The following C8orf34 variants were observed in gnomAD, a reference collection of about 807,000 sequenced individuals.
The protein encoded by C8orf34 is chromosome 8 open reading frame 34.
Under a neutral mutation model 68.3 loss-of-function variants are expected in C8orf34, and 65 were observed. The observed-to-expected ratio is 0.95, with a 90% confidence interval of 0.78 to 1.17. The LOEUF is 1.17. Ranked by LOEUF, C8orf34 falls within the 50% of genes most tolerant of loss-of-function variation. The probability of loss-of-function intolerance (pLI) is 0.00; values close to 1 mark genes in which losing one functional copy is unlikely to be tolerated. For missense variants in C8orf34, 664 were observed against 655.4 expected (o/e 1.01, Z -0.14); for synonymous variants, 244 against 241.2 (o/e 1.01, Z -0.11).
Position 68,342,386 on chromosome 8 carries a change from A to G in C8orf34, c.327+11047A>G, listed in dbSNP as rs183619868. ...TTTGCTCTGTGAAAGACTGTATTAAAAAGATTAGAAGATAAGTTACCGGTT... is the reference window on the plus strand; with the variant it reads ...TTTGCTCTGTGAAAGACTGTATTAAGAAGATTAGAAGATAAGTTACCGGTT... On this transcript the variant is annotated intron_variant, in intron 1 of 13. Transcript: ENST00000518698. Among the ~76,000 whole-genome samples the G allele has an allele frequency of 3.3e-5, 5 of 152,322 alleles. No homozygotes were observed. The East Asian group carries it at 9.7e-4, about 29-fold the overall frequency.
At chr8:68,586,126 G>A (rs906145413) in intron 7 of C8orf34, among the ~76,000 whole-genome samples, 10 of 152,054 alleles carry the variant, frequency 6.6e-5, no homozygotes, top group African/African-American at 2.4e-4. Flanking sequence ...AACAGAGGAA[G>A]ATATAGTCTA....
intron 10 of C8orf34, among the ~76,000 whole-genome samples, chr8:68,763,168 T>C (rs141512443): frequency 3.3e-5 from 5 of 152,338 alleles, no homozygotes; most frequent in African/African-American, 9.6e-5. Flanking sequence ...ATGAATGAAT[T>C]TGTAAACAAA....
At chr8:68,668,275 G>T (rs958648734) in intron 8 of C8orf34, among the ~76,000 whole-genome samples, 2 of 151,994 alleles carry the variant, frequency 1.3e-5, no homozygotes, top group African/African-American at 4.8e-5. Flanking sequence ...ATTTTCCTTA[G>T]CTCAATGATT....
chr8:68,402,944 A>G (rs1009612917), intron 1 of C8orf34, among the ~76,000 whole-genome samples: 5 of 152,180 alleles, frequency 3.3e-5, no homozygotes, highest in Admixed American at 2.0e-4. Context: ...CTGTGAGAGG[A>G]AGCCCCATGC....
chr8:68,411,121 T>C (rs944755525), intron 1 of C8orf34, among the ~76,000 whole-genome samples: 13 of 152,312 alleles, frequency 8.5e-5, no homozygotes, highest in Admixed American at 4.6e-4. Context: ...AGTAATACAT[T>C]TTCTGTTATT....
intron 12 of C8orf34, among the ~76,000 whole-genome samples, chr8:68,804,923 T>C (rs973810884): frequency 1.3e-5 from 2 of 152,330 alleles, no homozygotes; most frequent in South Asian, 2.1e-4. Flanking sequence ...AGGCTCCTTA[T>C]GGCAAAACCT....
In C8orf34 at chr8:68,462,475, C is replaced by A. The variant is rs535286342; in HGVS notation, c.608-6217C>A. On this transcript the variant is annotated intron_variant, in intron 3 of 13. Transcript: ENST00000518698. ...ATCTACAGAACTCTCCACCCCAAAT[C>A]AACAGAATATACATTTTTTTCAGCA... 4.3e-3 allele frequency among the ~76,000 whole-genome samples: 655 copies of A among 151,478 alleles called. 3 individuals carry two copies. The highest frequency in any genetic ancestry group is 0.015 in the African/African-American group (631 of 41,382).
At chr8:68,784,868 C>T (rs142750828) in intron 11 of C8orf34, among the ~76,000 whole-genome samples, 276 of 151,706 alleles carry the variant, frequency 1.8e-3, no homozygotes, top group East Asian at 9.2e-3. Context: ...CCAGATGGTT[C>T]GGCTTATCTT....
chr8:68,502,969 C>T (rs1563490783), intron 5 of C8orf34, among the ~76,000 whole-genome samples: 1 of 152,122 alleles, frequency 6.6e-6, no homozygotes, highest in Non-Finnish European at 1.5e-5. Flanking sequence ...CAAACCACAT[C>T]ACAAGAATGT....
At chr8:68,559,305 A>C (rs1816349969) in intron 7 of C8orf34, among the ~76,000 whole-genome samples, 1 of 152,198 alleles carries the variant, frequency 6.6e-6, no homozygotes, top group African/African-American at 2.4e-5. Flanking sequence ...CAACATAGAC[A>C]AGGAATTCAG....
chr8:68,527,305 C>T (rs11778124), intron 6 of C8orf34, among the ~76,000 whole-genome samples: 72,865 of 152,098 alleles, frequency 0.48, 17,634 homozygotes, highest in Non-Finnish European at 0.52. Flanking sequence ...AGGCCCGGCG[C>T]AGTGGCTCAC....
At chr8:68,494,172 A>G (rs1285445337) in intron 5 of C8orf34, among the ~76,000 whole-genome samples, 2 of 152,236 alleles carry the variant, frequency 1.3e-5, no homozygotes, top group African/African-American at 2.4e-5. Flanking sequence ...ATATATACAT[A>G]CAATGGAATA....
At chr8:68,445,868 C>A (rs539568339) in intron 2 of C8orf34, among the ~76,000 whole-genome samples, 2 of 152,300 alleles carry the variant, frequency 1.3e-5, no homozygotes, top group East Asian at 3.9e-4. Context: ...CGGCTCACTG[C>A]AACTTCTGCC....
At chr8:68,386,565 T>C (rs537511336) in intron 1 of C8orf34, among the ~76,000 whole-genome samples, 2 of 152,194 alleles carry the variant, frequency 1.3e-5, no homozygotes, top group African/African-American at 2.4e-5. Context: ...TGGGTTGTCT[T>C]TTCTTCTATA....
intron 6 of C8orf34, 131 bp from the exon 7 acceptor site, chr8:68,532,850 GAT>G (rs1420782396): frequency 4.9e-6 from 3 of 617,202 alleles, no homozygotes; most frequent in Non-Finnish European, 8.3e-6. Context: ...CAAGAAAGAT[GAT>G]ATTTCCATTA....
intron 1 of C8orf34, 50 bp from the exon 2 acceptor site, chr8:68,439,449 A>G (rs766690262): frequency 1.3e-6 from 2 of 1,571,338 alleles, no homozygotes; most frequent in South Asian, 1.1e-5. Context: ...GCTTGCTATT[A>G]CTGTTGCTGT....
At chr8:68,558,010 A>G (rs188473051) in intron 7 of C8orf34, among the ~76,000 whole-genome samples, 1 of 152,280 alleles carries the variant, frequency 6.6e-6, no homozygotes, top group Admixed American at 6.5e-5. Context: ...TGCCTTTATA[A>G]CTGGAGAAAG....
At chr8:68,344,014 A>C (rs1806181328) in intron 1 of C8orf34, among the ~76,000 whole-genome samples, 1 of 152,190 alleles carries the variant, frequency 6.6e-6, no homozygotes, top group African/African-American at 2.4e-5. Context: ...GGTGTGAGCC[A>C]ATATTGTTTA....
chr8:68,479,469 G>A (rs374501235), intron 4 of C8orf34, among the ~76,000 whole-genome samples: 167 of 152,112 alleles, frequency 1.1e-3, no homozygotes, highest in African/African-American at 3.8e-3. Flanking sequence ...GTGTCTGTGT[G>A]TACAATTAAT....
Sources: gnomAD v4.1 joint callset for allele counts (sites outside exome capture counted in the v4.1 genomes callset) on GRCh38, gnomAD v4.1.1 for gene constraint, MANE v1.5 for transcripts, NCBI Gene and HGNC (gene_info 2026-07-23, HGNC 2026-07-21) for gene names.